Variants in ZNF141 observed in about 807,000 individuals in gnomAD.
The protein encoded by ZNF141 is zinc finger protein 141, also known as zinc finger protein 141 (clone pHZ-44).
A neutral mutation model predicts 11.3 loss-of-function variants in ZNF141; 7 were observed. That is an observed-to-expected ratio of 0.62 (90% CI 0.35 to 1.16). The LOEUF is 1.16. ZNF141 is among the 50% of genes most tolerant of loss of function. The pLI is 0.02. For synonymous variants in ZNF141, 183 were observed against 190.7 expected, an observed-to-expected ratio of 0.96 and a Z score of 0.33; for missense variants, 535 against 554.0, an observed-to-expected ratio of 0.97 and a Z score of 0.34.
At chr4:346,189 G>C (rs1161561575) in intron 3 of ZNF141, among the ~76,000 whole-genome samples, 3 of 152,144 alleles carry the variant, frequency 2.0e-5, no homozygotes, top group Non-Finnish European at 4.4e-5. Context: ...TTGATAACCA[G>C]AGTTTAAAAG....
intron 3 of ZNF141, among the ~76,000 whole-genome samples, chr4:360,280 A>G (rs1001947100): frequency 1.3e-5 from 2 of 152,316 alleles, no homozygotes; most frequent in Non-Finnish European, 1.5e-5. Flanking sequence ...TTCTATGTCA[A>G]ATTTATCTGA....
chr4:371,613 C>T (rs1268492387), intron 3 of ZNF141, among the ~76,000 whole-genome samples: 1 of 151,432 alleles, frequency 6.6e-6, no homozygotes, highest in African/African-American at 2.4e-5. Context: ...GATCTCGGCT[C>T]ACTGCAAGCT....
In ZNF141 at chr4:373,312, T is replaced by G; in HGVS notation, c.875T>G (p.Phe292Cys). 1 of 1,613,878 alleles carries G rather than the reference T, an allele frequency of 6.2e-7. No individual in the cohort carries two copies. The highest frequency in any genetic ancestry group is 8.5e-7 in the Non-Finnish European group (1 of 1,179,920). Reference sequence around the variant, plus strand: ...ACATGTGAAGAATGTAGGAAAATCTTTACCTCATCCTCAAACTTTGCCAAA... The same window carrying G: ...ACATGTGAAGAATGTAGGAAAATCTGTACCTCATCCTCAAACTTTGCCAAA... ...PITCEECRKI[F>C]TSSSNFAKHK... Residue 292 changes from phenylalanine (F) to cysteine (C), a missense_variant, in exon 4 of 4, where the codon TTT (phenylalanine) becomes TGT (cysteine). Physicochemically the swap from Phe to Cys is radical, Grantham distance 205. Transcript: ENST00000240499.
chr4:359,823 T>C (rs1553851881), intron 3 of ZNF141, among the ~76,000 whole-genome samples: 2 of 152,134 alleles, frequency 1.3e-5, no homozygotes. Flanking sequence ...CAGAGATGGA[T>C]ATTTCTGTCT....
rs1711949646 is a variant in ZNF141, at chr4:369,758, ATATATATTTT to A, written c.227-2904_227-2895del. On this transcript the variant is annotated intron_variant, in intron 3 of 3. Transcript: ENST00000240499. ...AAGAGATATATATATATATATATATATATATATTTTTTTTTTTTTTTTTTTTGAGAGGGAG... is the reference window on the plus strand; with the variant it reads ...AAGAGATATATATATATATATATATATTTTTTTTTTTTTTTTGAGAGGGAG... Among the ~76,000 whole-genome samples the A allele has an allele frequency of 2.3e-4, 8 of 34,756 alleles. No homozygotes were observed. In the Middle Eastern group the frequency reaches 0.048, roughly 210 times the overall value. 22.8% of individuals were successfully genotyped at this position (34,756 alleles called of 152,430 possible).
rs74437406 is a variant in ZNF141, at chr4:359,148, G to A, written c.227-13516G>A. On this transcript the variant is annotated intron_variant, in intron 3 of 3. Transcript: ENST00000240499. ...ATTTTCACTAGGATCACAGTCAACT[G>A]CATTGGATCCTGGTCACGTAACTAC... Among the ~76,000 whole-genome samples the A allele has an allele frequency of 5.9e-5, 9 of 152,312 alleles. No homozygotes were observed. In the East Asian group the frequency reaches 1.7e-3, roughly 29 times the overall value.
chr4:343,748 A>G (rs1560180313), intron 1 of ZNF141, 34 bp from the exon 2 acceptor site: 13 of 1,452,938 alleles, frequency 8.9e-6, no homozygotes, highest in Non-Finnish European at 1.2e-5. Flanking sequence ...AAAAAAAAAA[A>G]GAACTATGTC....
intron 3 of ZNF141, among the ~76,000 whole-genome samples, chr4:371,481 C>A (rs531279747): frequency 6.6e-6 from 1 of 151,954 alleles, no homozygotes; most frequent in Non-Finnish European, 1.5e-5. Context: ...CTGCCCTCCT[C>A]GGCCTCCCAA....
Position 373,471 on chromosome 4 carries a change from G to A in ZNF141, c.1034G>A (p.Gly345Asp), listed in dbSNP as rs1553853993. 1.2e-6 allele frequency: 2 copies of A among 1,613,768 alleles called. No homozygotes were observed. The highest frequency in any genetic ancestry group is 1.7e-6 in the Non-Finnish European group (2 of 1,179,950). Residue 345 changes from glycine to aspartate, a missense_variant, in exon 4 of 4, where the codon GGC becomes GAC. Coordinates refer to ENST00000240499, the MANE Select transcript of ZNF141 (RefSeq NM_003441.4). ...GEKPYTCEEC[G>D]KAFRQSSKLN... ...AAACCCTACACATGTGAAGAATGTG[G>A]CAAAGCTTTTAGACAGTCCTCAAAA...
chr4:346,171 G>T (rs1721310757), intron 3 of ZNF141, among the ~76,000 whole-genome samples: 2 of 152,182 alleles, frequency 1.3e-5, no homozygotes, highest in Non-Finnish European at 1.5e-5. Context: ...AATTTTACCA[G>T]AGTTTAATTG....
rs1457294431 is a variant in ZNF141, at chr4:383,061, T to A, written c.*9199T>A. The stretch of plus-strand genomic sequence containing the variant: ...AGGGTGCCAGTTTGGGGCCCAGGTT[T>A]AAAGGTCCTAAATGCTTCTGTTATC... On this transcript the variant is annotated 3_prime_UTR_variant, in exon 4 of 4. Coordinates refer to ENST00000240499, the MANE Select transcript of ZNF141 (RefSeq NM_003441.4). The A allele has an allele frequency of 1.5e-6, 1 of 658,196 alleles. No individual in the cohort carries two copies. Among genetic ancestry groups the A allele is most frequent in the Non-Finnish European group, 2.7e-6 (1 of 366,400 alleles). The allele number at this position is 658,196 out of a possible 1,614,324, so 40.8% of individuals were successfully genotyped here.
intron 3 of ZNF141, among the ~76,000 whole-genome samples, chr4:351,393 C>G (rs1553850427): frequency 6.6e-6 from 1 of 151,968 alleles, no homozygotes; most frequent in Non-Finnish European, 1.5e-5. Context: ...GCCACCAAGC[C>G]TGGCTAATTT....
intron 3 of ZNF141, among the ~76,000 whole-genome samples, chr4:369,079 A>G (rs1363037695): frequency 1.3e-5 from 2 of 152,160 alleles, no homozygotes; most frequent in African/African-American, 4.8e-5. Context: ...GAAATATCCT[A>G]CTACAATTAC....
At chr4:362,397 T>C (rs1711537914) in intron 3 of ZNF141, among the ~76,000 whole-genome samples, 1 of 152,234 alleles carries the variant, frequency 6.6e-6, no homozygotes, top group South Asian at 2.1e-4. Flanking sequence ...ATTCCATTTG[T>C]CAATTTTGGC....
At chr4:348,805 C>T (rs904068064) in intron 3 of ZNF141, among the ~76,000 whole-genome samples, 1 of 151,200 alleles carries the variant, frequency 6.6e-6, no homozygotes. Context: ...TATTAAAAGT[C>T]GTTTAAGGTT....
Position 374,231 on chromosome 4 carries a change from A to G in ZNF141, c.*369A>G. 1 of 312,756 alleles carries G rather than the reference A, an allele frequency of 3.2e-6. No homozygotes were observed. Among genetic ancestry groups the G allele is most frequent in the South Asian group, 3.4e-5 (1 of 29,138 alleles). The allele number at this position is 312,756 out of a possible 1,614,324, so 19.4% of individuals were successfully genotyped here. On this transcript the variant is annotated 3_prime_UTR_variant, in exon 4 of 4. Coordinates refer to ENST00000240499, the MANE Select transcript of ZNF141 (RefSeq NM_003441.4). ...CCTACACATGTGGCAGAATGTGGCAAAGCATTTAATTGGTCCTCAATGCTT... is the reference window on the plus strand; with the variant it reads ...CCTACACATGTGGCAGAATGTGGCAGAGCATTTAATTGGTCCTCAATGCTT...
intron 3 of ZNF141, among the ~76,000 whole-genome samples, chr4:364,932 C>G (rs556093621): frequency 6.6e-6 from 1 of 152,254 alleles, no homozygotes; most frequent in Admixed American, 6.5e-5. Flanking sequence ...GCCCTCCCCC[C>G]AGAGGTGGAA....
Position 372,796 on chromosome 4 carries a change from T to G in ZNF141, c.359T>G (p.Leu120Trp), listed in dbSNP as rs142347886. Residue 120 changes from leucine to tryptophan, a missense_variant, in exon 4 of 4, where the codon TTG (leucine) becomes TGG (tryptophan). Physicochemically the swap from Leu to Trp is moderately conservative, Grantham distance 61 (BLOSUM62 -2). Transcript: ENST00000240499. ...NLQLRKGCKS[L>W]NECKLQKGGY... Reference sequence around the variant, plus strand: ...CAATTAAGAAAAGGCTGTAAAAGTTTGAATGAGTGTAAGTTGCAGAAAGGA... The same window carrying G: ...CAATTAAGAAAAGGCTGTAAAAGTTGGAATGAGTGTAAGTTGCAGAAAGGA... 172 of 1,613,962 alleles carry G rather than the reference T, an allele frequency of 1.1e-4. No individual in the cohort carries two copies. In the African/African-American group the frequency reaches 2.2e-3, roughly 20 times the overall value.
intron 3 of ZNF141, among the ~76,000 whole-genome samples, chr4:356,343 C>T (rs1438053371): frequency 1.3e-5 from 2 of 151,638 alleles, no homozygotes; most frequent in Non-Finnish European, 2.9e-5. Context: ...TTTTTTGAGA[C>T]AGAGTCTTGT....
Sources: gnomAD v4.1 joint callset for allele counts (sites outside exome capture counted in the v4.1 genomes callset) on GRCh38, gnomAD v4.1.1 for gene constraint, MANE v1.5 for transcripts, NCBI Gene and HGNC (gene_info 2026-07-23, HGNC 2026-07-21) for gene names.